Variants in KCTD8 observed in about 807,000 individuals in gnomAD.
The protein encoded by KCTD8 is BTB/POZ domain-containing protein KCTD8.
In KCTD8, 27 loss-of-function variants were observed where a neutral mutation model predicts 31.5. That is an observed-to-expected ratio of 0.86 (90% CI 0.63 to 1.18). The LOEUF is 1.18. KCTD8 is among the 50% of genes most tolerant of loss of function. The probability of loss-of-function intolerance (pLI) is 0.00; values close to 1 mark genes in which losing one functional copy is unlikely to be tolerated. For synonymous variants in KCTD8, 290 were observed against 280.0 expected (o/e 1.04, Z -0.36); for missense variants, 658 against 647.7 (o/e 1.02, Z -0.17).
chr4:44,291,584 C>A (rs2109385632), intron 1 of KCTD8, among the ~76,000 whole-genome samples: 1 of 152,012 alleles, frequency 6.6e-6, no homozygotes, highest in Admixed American at 6.6e-5. Flanking sequence ...ACGGCTAAGT[C>A]CCCAAAAACA....
intron 1 of KCTD8, among the ~76,000 whole-genome samples, chr4:44,337,456 A>G (rs1350298447): frequency 6.6e-6 from 1 of 152,020 alleles, no homozygotes; most frequent in African/African-American, 2.4e-5. Flanking sequence ...TGGGCGGATC[A>G]TAAGGTCAGG....
intron 1 of KCTD8, among the ~76,000 whole-genome samples, chr4:44,278,315 TGTCAGG>T (rs1716808844): frequency 1.3e-5 from 2 of 152,020 alleles, no homozygotes; most frequent in Admixed American, 1.3e-4. Flanking sequence ...CCCCAATAGA[TGTCAGG>T]GTTTCTTGCT....
In KCTD8 at chr4:44,174,992, C is replaced by T. The variant is rs756267175; in HGVS notation, c.1220G>A (p.Arg407His). 13 of 1,614,026 alleles carry T rather than the reference C, an allele frequency of 8.1e-6. No individual in the cohort carries two copies. The highest frequency in any genetic ancestry group is 4.5e-5 in the East Asian group (2 of 44,880). ...PVQWIPPPDK[R>H]RNSELFQTLI... ...GGTCTGAAAGAGTTCACTGTTTCTG[C>T]GTTTGTCTGGTGGGGGTATCCATTG... Residue 407 changes from arginine to histidine, a missense_variant, in exon 2 of 2, where the codon CGC becomes CAC. Transcript: ENST00000360029.
At chr4:44,428,946 C>T (rs1180029803) in intron 1 of KCTD8, among the ~76,000 whole-genome samples, 6 of 151,650 alleles carry the variant, frequency 4.0e-5, no homozygotes, top group Non-Finnish European at 7.4e-5. Flanking sequence ...AGGTATGGCA[C>T]CCAAAGGAGA....
At chr4:44,209,332 T>C (rs971708723) in intron 1 of KCTD8, among the ~76,000 whole-genome samples, 4 of 152,206 alleles carry the variant, frequency 2.6e-5, no homozygotes, top group Admixed American at 6.5e-5. Flanking sequence ...AGTTCAAATA[T>C]GATTTTCATC....
intron 1 of KCTD8, among the ~76,000 whole-genome samples, chr4:44,247,567 C>T (rs1309350108): frequency 1.3e-5 from 2 of 151,844 alleles, no homozygotes; most frequent in Non-Finnish European, 2.9e-5. Context: ...TATCTCTAGA[C>T]TTTATTTATT....
intron 1 of KCTD8, among the ~76,000 whole-genome samples, chr4:44,231,129 G>A (rs1054606738): frequency 6.6e-6 from 1 of 152,088 alleles, no homozygotes; most frequent in African/African-American, 2.4e-5. Context: ...AAACACCTGC[G>A]CCAAGAGTGG....
chr4:44,258,277 A>G (rs914975259), intron 1 of KCTD8, among the ~76,000 whole-genome samples: 2 of 151,988 alleles, frequency 1.3e-5, no homozygotes, highest in African/African-American at 4.8e-5. Context: ...CAGTACATTC[A>G]GAATATATAT....
chr4:44,324,103 C>T (rs1291923907), intron 1 of KCTD8, among the ~76,000 whole-genome samples: 8 of 144,196 alleles, frequency 5.5e-5, no homozygotes, highest in African/African-American at 2.1e-4. Context: ...ATTTTTATCA[C>T]AAGAAAGTCC....
chr4:44,360,728 A>G (rs1272440876), intron 1 of KCTD8, among the ~76,000 whole-genome samples: 1 of 152,008 alleles, frequency 6.6e-6, no homozygotes, highest in African/African-American at 2.4e-5. Context: ...AAGGCTTTTA[A>G]TTTTAAAAAA....
intron 1 of KCTD8, among the ~76,000 whole-genome samples, chr4:44,337,804 A>T (rs1718792631): frequency 6.6e-6 from 1 of 151,888 alleles, no homozygotes; most frequent in South Asian, 2.1e-4. Context: ...CCAAAATTGT[A>T]CAAATGACAC....
At chr4:44,268,837 T>C (rs1037731869) in intron 1 of KCTD8, among the ~76,000 whole-genome samples, 8 of 151,650 alleles carry the variant, frequency 5.3e-5, no homozygotes, top group African/African-American at 1.7e-4. Flanking sequence ...TTACAAGGGA[T>C]GTGAAGGACC....
chr4:44,437,748 A>G (rs1721704510), intron 1 of KCTD8, among the ~76,000 whole-genome samples: 1 of 152,170 alleles, frequency 6.6e-6, no homozygotes, highest in African/African-American at 2.4e-5. Context: ...GGTGAAAAAG[A>G]CGATCAATTT....
chr4:44,356,006 G>A (rs374518162), intron 1 of KCTD8, among the ~76,000 whole-genome samples: 115 of 151,998 alleles, frequency 7.6e-4, no homozygotes, highest in African/African-American at 2.6e-3. Flanking sequence ...CTTAGAATAC[G>A]GTTGTACAAA....
intron 1 of KCTD8, among the ~76,000 whole-genome samples, chr4:44,384,142 C>A (rs1230121913): frequency 1.3e-5 from 2 of 148,912 alleles, no homozygotes; most frequent in Admixed American, 6.7e-5. Flanking sequence ...TGCCTATTAT[C>A]AAAAAAAAAC....
intron 1 of KCTD8, among the ~76,000 whole-genome samples, chr4:44,313,580 A>G (rs996549425): frequency 3.3e-5 from 5 of 152,202 alleles, no homozygotes; most frequent in Admixed American, 6.5e-5. Flanking sequence ...TTCAAAAATT[A>G]GTAATTGCCG....
chr4:44,215,952 A>G (rs1440766770), intron 1 of KCTD8, among the ~76,000 whole-genome samples: 1 of 152,216 alleles, frequency 6.6e-6, no homozygotes, highest in Non-Finnish European at 1.5e-5. Flanking sequence ...ATGGTGAGGT[A>G]CAGAAGGAGG....
intron 1 of KCTD8, among the ~76,000 whole-genome samples, chr4:44,437,132 A>G (rs572890500): frequency 6.6e-6 from 1 of 151,938 alleles, no homozygotes; most frequent in East Asian, 1.9e-4. Flanking sequence ...CCTTAAAGCA[A>G]CTCACAAGTC....
At chr4:44,214,266 C>A (rs542634685) in intron 1 of KCTD8, among the ~76,000 whole-genome samples, 6 of 152,104 alleles carry the variant, frequency 3.9e-5, no homozygotes, top group Admixed American at 3.9e-4. Context: ...TGTAGCCCAG[C>A]CAAAGGAGCT....
Sources: allele counts gnomAD v4.1 joint callset (sites outside exome capture counted in the v4.1 genomes callset), GRCh38; gene constraint gnomAD v4.1.1; transcripts MANE v1.5; gene names NCBI Gene and HGNC (gene_info 2026-07-23, HGNC 2026-07-21).